ARHGAP33: variants seen among roughly 807,000 people sequenced by gnomAD.
The protein encoded by ARHGAP33 is Rho GTPase activating protein 33, also known as rho GTPase-activating protein 33.
Under a neutral mutation model 126.2 loss-of-function variants are expected in ARHGAP33, and 57 were observed. That is an observed-to-expected ratio of 0.45 (90% CI 0.36 to 0.56). ARHGAP33 has a LOEUF of 0.56. Ranked by LOEUF, ARHGAP33 falls within the 20% of genes least tolerant of loss-of-function variation. ARHGAP33 has a pLI of 0.00. For synonymous variants in ARHGAP33, 711 were observed against 755.0 expected (o/e 0.94, Z 0.95); for missense variants, 1,500 against 1,748.3 (o/e 0.86, Z 2.53).
At position 35,778,516 on chromosome 19, in the gene ARHGAP33, C is replaced by G. The variant is rs370786881; in HGVS notation, c.323C>G (p.Ala108Gly). Residue 108 changes from alanine (A) to glycine (G), a missense_variant, in exon 5 of 21, where the codon GCC becomes GGC. By Grantham distance (60) the Ala-to-Gly change is moderately conservative. This residue lies in a region of ARHGAP33 where 129 missense variants were observed against 145.9 expected (regional missense o/e 0.88). Transcript: ENST00000007510. ...RSYDDFRSLD[A>G]HLHRCIFDRR... is the part of the protein sequence containing the mutation. ...TACGATGACTTTCGTTCCCTGGATG[C>G]CCACCTCCACCGGTGCATATTTGAC... The G allele has an allele frequency of 1.2e-5, 20 of 1,614,084 alleles. No individual in the cohort carries two copies. Among genetic ancestry groups the G allele is most frequent in the Non-Finnish European group, 1.7e-5 (20 of 1,180,042 alleles).
At chr19:35,781,340 T>A in intron 12 of ARHGAP33, 88 bp downstream of exon 12, 2 of 1,340,570 alleles carry the variant, frequency 1.5e-6, no homozygotes, top group Non-Finnish European at 2.1e-6. Context: ...GGGACACAGT[T>A]ACCAGGAGTC....
chr19:35,784,928 G>A (rs1326613588), intron 16 of ARHGAP33, 25 bp from the exon 17 acceptor site: 4 of 1,527,398 alleles, frequency 2.6e-6, no homozygotes, highest in Non-Finnish European at 1.8e-6. Context: ...AGAGCTGACA[G>A]CTGCCCCCTT....
chr19:35,781,643 A>G (rs1971786147), intron 12 of ARHGAP33, among the ~76,000 whole-genome samples: 2 of 151,664 alleles, frequency 1.3e-5, no homozygotes, highest in South Asian at 4.2e-4. Context: ...GGAGGCCTGC[A>G]GTTTTGGATG....
intron 16 of ARHGAP33, 196 bp downstream of exon 16, chr19:35,784,513 C>T: frequency 7.5e-7 from 1 of 1,326,270 alleles, no homozygotes; most frequent in Non-Finnish European, 9.6e-7. Flanking sequence ...CTCAGGATTC[C>T]CACCTCTTGG....
chr19:35,778,805 C>T (rs1016464679), intron 5 of ARHGAP33: 34 of 921,912 alleles, frequency 3.7e-5, no homozygotes, highest in Middle Eastern at 3.4e-4. Flanking sequence ...TGGGGAGTTC[C>T]AGGGGGTCCC....
chr19:35,784,876 G>C, intron 16 of ARHGAP33, 77 bp from the exon 17 acceptor site: 1 of 1,445,000 alleles, frequency 6.9e-7, no homozygotes, highest in Non-Finnish European at 9.1e-7. Flanking sequence ...GCCGGGGCTT[G>C]GGCTGTGGCG....
chr19:35,780,690 A>G (rs1468487075), intron 9 of ARHGAP33, 42 bp downstream of exon 9: 3 of 638,756 alleles, frequency 4.7e-6, no homozygotes, highest in Admixed American at 2.0e-5. Context: ...GAGGGGTGGG[A>G]AGGGGTGGGG....
At chr19:35,787,097 CT>C (rs1296060332) in intron 20 of ARHGAP33, 25 bp downstream of exon 20, 1 of 1,592,424 alleles carries the variant, frequency 6.3e-7, no homozygotes, top group African/African-American at 1.3e-5. Context: ...TACCCCACCC[CT>C]GTCCCCGCCA....
At position 35,786,795 on chromosome 19, in the gene ARHGAP33, C is replaced by G. The variant is rs760460328; in HGVS notation, c.2325C>G (p.Thr775=). ...APASAFPPRV[T]PQAISPRGPT... ...CCTCTGCCTTCCCACCCAGGGTGAC[C>G]CCCCAGGCCATCTCGCCCCGGGGGC... Residue 775 remains threonine, a synonymous_variant, in exon 20 of 21, where the codon ACC becomes ACG. Coordinates refer to ENST00000007510, the MANE Select transcript of ARHGAP33 (RefSeq NM_001366178.1). This position sits in a 1 kb window ranked among gnomAD's most constrained non-coding sequence, Gnocchi z 7.0. The G allele has an allele frequency of 1.4e-5, 21 of 1,519,144 alleles. No individual in the cohort carries two copies. The East Asian group carries it at 4.9e-4, about 35-fold the overall frequency. 94.1% of individuals were successfully genotyped at this position (1,519,144 alleles called of 1,614,324 possible). A position where few individuals can be genotyped will look rare whatever the true frequency, so the allele number is the denominator to read the frequency against.
At position 35,787,940 on chromosome 19, in the gene ARHGAP33, A is replaced by T. The variant is rs767117152; in HGVS notation, c.3375A>T (p.Ser1125=). The change falls in exon 21 of 21, where the codon TCA becomes TCT. Residue 1125 remains serine (S), a synonymous_variant. Coordinates refer to ENST00000007510, the MANE Select transcript of ARHGAP33 (RefSeq NM_001366178.1). ...CCTCCTACGGCATGCTTGGCCAATC[A>T]CCCCCACTCCACAGGTCCCCCGACT... is the stretch of plus-strand genomic sequence containing the variant. ...LNASYGMLGQ[S]PPLHRSPDFL... The T allele has an allele frequency of 1.9e-6, 2 of 1,040,636 alleles. No homozygotes were observed. Among genetic ancestry groups the T allele is most frequent in the South Asian group, 1.6e-5 (1 of 64,440 alleles). The allele number at this position is 1,040,636 out of a possible 1,614,324, so 64.5% of individuals were successfully genotyped here.
rs771764006 is a variant in ARHGAP33 at position 35,781,251 on chromosome 19, C to T, written c.1084C>T (p.Arg362Trp). ...CGTGTCTTCCAACATCCAGAGGCTT[C>T]GGTGAGGGCCCTTAGCCAACCCTGT... ...SGVSSNIQRL[R>W]HEFDSERIPE... The change falls in exon 12 of 21, where the codon CGG (arginine) becomes TGG (tryptophan). Residue 362 changes from arginine to tryptophan, a missense_variant and splice_region_variant. Around this residue, in one of 6 missense-constraint regions of ARHGAP33, gnomAD observed 281 missense variants for 413.7 expected, o/e 0.68. Coordinates refer to ENST00000007510, the MANE Select transcript of ARHGAP33 (RefSeq NM_001366178.1). The T allele has an allele frequency of 1.2e-6, 2 of 1,614,122 alleles. No homozygotes were observed. Among genetic ancestry groups the T allele is most frequent in the Admixed American group, 1.7e-5 (1 of 60,020 alleles).
rs201318508 is a variant in ARHGAP33, at chr19:35,780,784, C to T, written c.797C>T (p.Pro266Leu). Residue 266 changes from proline (P) to leucine (L), a missense_variant, in exon 10 of 21, where the codon CCG becomes CTG. Physicochemically the swap from Pro to Leu is moderately conservative, Grantham distance 98. Around this residue, in one of 6 missense-constraint regions of ARHGAP33, gnomAD observed 281 missense variants for 413.7 expected, o/e 0.68. Coordinates refer to ENST00000007510, the MANE Select transcript of ARHGAP33 (RefSeq NM_001366178.1). Reference sequence around the variant, plus strand: ...GCCGATGGCCCCCCATGTGGCATCCCGGCTCCCCAGGGTATCTCGTCTCTG... The same window carrying T: ...GCCGATGGCCCCCCATGTGGCATCCTGGCTCCCCAGGGTATCTCGTCTCTG... ...ADADGPPCGI[P>L]APQGISSLTS... 36 of 1,613,756 alleles carry T rather than the reference C, an allele frequency of 2.2e-5. No individual in the cohort carries two copies. The highest frequency in any genetic ancestry group is 4.4e-5 in the South Asian group (4 of 91,082).
intron 15 of ARHGAP33, 60 bp from the exon 16 acceptor site, chr19:35,784,112 T>C (rs945341814): frequency 2.7e-6 from 4 of 1,487,214 alleles, no homozygotes; most frequent in Non-Finnish European, 3.7e-6. Flanking sequence ...CTCATTGCCC[T>C]GCCAGAACCT....
Position 35,786,032 on chromosome 19 carries a change from CTCCGACCTCTGCGGGGGGCTGCTT to C in ARHGAP33, c.1943-380_1943-357del. On this transcript the variant is annotated intron_variant, in intron 19 of 20. Transcript: ENST00000007510. The surrounding 1 kb of genome is among the most constrained non-coding windows in gnomAD (Gnocchi z 7.0). ...GCCCGCCGCGCTGCTGGGTGCTGCT[CTCCGACCTCTGCGGGGGGCTGCTT>C]ATCCACCCCACCCAGCCGTGCCTCT... is the stretch of plus-strand genomic sequence containing the variant. 8.7e-7 allele frequency: 1 copy of C among 1,145,968 alleles called. No individual in the cohort carries two copies. Among genetic ancestry groups the C allele is most frequent in the Non-Finnish European group, 1.1e-6 (1 of 930,786 alleles). The allele number at this position is 1,145,968 out of a possible 1,614,324, so 71.0% of individuals were successfully genotyped here. A position where few individuals can be genotyped will look rare whatever the true frequency, so the allele number is the denominator to read the frequency against.
chr19:35,781,119 C>T, intron 11 of ARHGAP33, 31 bp from the exon 12 acceptor site: 1 of 1,226,380 alleles, frequency 8.2e-7, no homozygotes. Context: ...AGGGCTGCGG[C>T]CCACCCAGCC....
At chr19:35,776,182 C>G (rs3810451) in intron 1 of ARHGAP33, among the ~76,000 whole-genome samples, 33,186 of 148,850 alleles carry the variant, frequency 0.22, 3,946 homozygotes, top group East Asian at 0.43. Context: ...TCAATCCCCC[C>G]CGCCCCGCAT....
rs1412592755 is a variant in ARHGAP33 at position 35,785,087 on chromosome 19, C to T, written c.1702C>T (p.Pro568Ser). 6.3e-7 allele frequency: 1 copy of T among 1,578,568 alleles called. No individual in the cohort carries two copies. Among genetic ancestry groups the T allele is most frequent in the Non-Finnish European group, 8.6e-7 (1 of 1,161,762 alleles). The change falls in exon 17 of 21, where the codon CCG (proline) becomes TCG (serine). Residue 568 changes from proline (P) to serine (S), a missense_variant. By Grantham distance (74) the Pro-to-Ser change is moderately conservative. This residue lies in a region of ARHGAP33 where 300 missense variants were observed against 291.1 expected (regional missense o/e 1.03). Coordinates refer to ENST00000007510, the MANE Select transcript of ARHGAP33 (RefSeq NM_001366178.1). ...TPTEPTTPKA[P>S]ASPAERRKGE... is the part of the protein sequence containing the mutation. ...CACGGAGCCCACAACTCCCAAGGCC[C>T]CGGCCTCACCTGCGGAAAGGTGAGT...
chr19:35,786,347 C>G lies in ARHGAP33; in HGVS notation c.1943-66C>G. On this transcript the variant is annotated intron_variant, in intron 19 of 20. Coordinates refer to ENST00000007510, the MANE Select transcript of ARHGAP33 (RefSeq NM_001366178.1). This position sits in a 1 kb window ranked among gnomAD's most constrained non-coding sequence, Gnocchi z 7.0. ...CAGGAGGCGCCTCTTCATGTCCTTT[C>G]CCCAGCTTTCTGTGGGGCTGTGCGC... The G allele has an allele frequency of 6.8e-7, 1 of 1,468,764 alleles. No individual in the cohort carries two copies. Among genetic ancestry groups the G allele is most frequent in the Admixed American group, 2.3e-5 (1 of 42,568 alleles). The allele number at this position is 1,468,764 out of a possible 1,614,324, so 91.0% of individuals were successfully genotyped here.
At chr19:35,784,776 C>T (rs1972012929) in intron 16 of ARHGAP33, 177 bp from the exon 17 acceptor site, 2 of 1,367,674 alleles carry the variant, frequency 1.5e-6, no homozygotes, top group East Asian at 3.0e-5. Context: ...CGTCCCGCCC[C>T]GCCCTCCTCC....
Sources: allele counts gnomAD v4.1 joint callset (sites outside exome capture counted in the v4.1 genomes callset), GRCh38; gene constraint gnomAD v4.1.1; regional missense constraint gnomAD v4.1.1; non-coding constraint Gnocchi (gnomAD v3.1); transcripts MANE v1.5; gene names NCBI Gene and HGNC (gene_info 2026-07-23, HGNC 2026-07-21).